Variants in SGPP2 observed in about 807,000 individuals in gnomAD.
The protein encoded by SGPP2 is sphingosine-1-phosphate phosphatase 2, also known as sphingosine 1-phosphate phosphohydrolase 2.
In SGPP2, 30 loss-of-function variants were observed where a neutral mutation model predicts 33.9. The observed-to-expected ratio is 0.89, with a 90% confidence interval of 0.66 to 1.20. SGPP2 has a LOEUF of 1.20. SGPP2 is among the 50% of genes most tolerant of loss of function. The pLI is 0.00. For missense variants in SGPP2, 458 were observed against 532.1 expected (o/e 0.86, Z 1.37); for synonymous variants, 233 against 225.0 (o/e 1.04, Z -0.32).
Position 222,558,811 on chromosome 2 carries a change from G to T in SGPP2, c.1113G>T (p.Val371=). Residue 371 remains valine, a synonymous_variant, in exon 5 of 5, where the codon GTG becomes GTT. Transcript: ENST00000321276. ...KEARRRLEIE[V]PYKFVTYTSV... is the part of the protein sequence containing the mutation. The stretch of plus-strand genomic sequence containing the variant: ...CCAGGCGGAGACTGGAGATTGAAGT[G>T]CCTTACAAGTTTGTTACCTACACAT... 1.2e-6 allele frequency: 2 copies of T among 1,614,102 alleles called. No homozygotes were observed. The highest frequency in any genetic ancestry group is 1.7e-6 in the Non-Finnish European group (2 of 1,180,012).
At chr2:222,518,077 C>T (rs1424716143) in intron 2 of SGPP2, among the ~76,000 whole-genome samples, 1 of 152,142 alleles carries the variant, frequency 6.6e-6, no homozygotes, top group Non-Finnish European at 1.5e-5. Context: ...TCACAAATGG[C>T]AATGCCAGAA....
chr2:222,556,646 A>C (rs1384521749), intron 4 of SGPP2, among the ~76,000 whole-genome samples: 2 of 15,324 alleles, frequency 1.3e-4, no homozygotes, highest in Non-Finnish European at 1.2e-4. Flanking sequence ...CTCCTCCCCC[A>C]CCCACCCTCA....
At chr2:222,513,533 C>T (rs543125323) in intron 2 of SGPP2, among the ~76,000 whole-genome samples, 5 of 152,208 alleles carry the variant, frequency 3.3e-5, no homozygotes, top group South Asian at 4.1e-4. Flanking sequence ...TCCCCACATT[C>T]GAATCCCTAG....
chr2:222,517,093 GGATGCTTC>G (rs1341002228), intron 2 of SGPP2, among the ~76,000 whole-genome samples: 2 of 152,084 alleles, frequency 1.3e-5, no homozygotes, highest in Non-Finnish European at 2.9e-5. Context: ...CTTGCAACCT[GGATGCTTC>G]TTTACCCATC....
At chr2:222,487,765 G>A (rs532798667) in intron 2 of SGPP2, among the ~76,000 whole-genome samples, 103 of 152,234 alleles carry the variant, frequency 6.8e-4, no homozygotes, top group African/African-American at 1.8e-3. Flanking sequence ...ACATAACCAC[G>A]CAGCCCAGTG....
chr2:222,546,845 A>AT (rs1689210536), intron 4 of SGPP2, among the ~76,000 whole-genome samples: 7 of 146,928 alleles, frequency 4.8e-5, no homozygotes, highest in African/African-American at 7.6e-5. Context: ...AAAAAAAAAG[A>AT]ACATGCCAGA....
chr2:222,450,271 C>T (rs1180565947), intron 1 of SGPP2, among the ~76,000 whole-genome samples: 1 of 152,212 alleles, frequency 6.6e-6, no homozygotes, highest in Non-Finnish European at 1.5e-5. Context: ...TCCATCTTCT[C>T]ATTTGCACCA....
chr2:222,430,559 T>G (rs1174875631), intron 1 of SGPP2, among the ~76,000 whole-genome samples: 2 of 152,254 alleles, frequency 1.3e-5, no homozygotes, highest in African/African-American at 4.8e-5. Flanking sequence ...GCTCAAGCGA[T>G]CCTCCTGCCT....
intron 4 of SGPP2, among the ~76,000 whole-genome samples, chr2:222,551,924 C>T (rs77766766): frequency 0.15 from 22,164 of 152,224 alleles, 2,526 homozygotes; most frequent in East Asian, 0.56. Context: ...TTTGGATCCT[C>T]ATAATTTACC....
chr2:222,452,365 A>C lies in SGPP2; in HGVS notation c.220-22203A>C, dbSNP rs1697504549. The C allele has an allele frequency of 4.2e-6, 3 of 717,480 alleles. 1 individual carries two copies. The highest frequency in any genetic ancestry group is 2.8e-5 in the South Asian group (2 of 72,234). The allele number at this position is 717,480 out of a possible 1,614,324, so 44.4% of individuals were successfully genotyped here. A position where few individuals can be genotyped will look rare whatever the true frequency, so the allele number is the denominator to read the frequency against. ...GAGAGGAAGGATTCAGCCAGTGCCC[A>C]GAGTCAAATTGAGTAATATCAATTT... On this transcript the variant is annotated intron_variant, in intron 1 of 4. Transcript: ENST00000321276.
chr2:222,433,437 G>A (rs1356339302), intron 1 of SGPP2, among the ~76,000 whole-genome samples: 1 of 152,194 alleles, frequency 6.6e-6, no homozygotes, highest in African/African-American at 2.4e-5. Flanking sequence ...CACTGTAGTT[G>A]CGAATGGTGG....
Position 222,489,380 on chromosome 2 carries a change from G to A in SGPP2, c.378+14654G>A, listed in dbSNP as rs185506055. On this transcript the variant is annotated intron_variant, in intron 2 of 4. Transcript: ENST00000321276. Reference sequence around the variant, plus strand: ...TCCATTTTTTTCTGTAGCCAGCAAGGACTGTATGTTGACTGTTAATTAGAA... The same window carrying A: ...TCCATTTTTTTCTGTAGCCAGCAAGAACTGTATGTTGACTGTTAATTAGAA... Among the ~76,000 whole-genome samples, 8 of 151,616 alleles carry A rather than the reference G, an allele frequency of 5.3e-5. No homozygotes were observed. In the East Asian group the frequency reaches 1.6e-3, roughly 29 times the overall value.
intron 1 of SGPP2, among the ~76,000 whole-genome samples, chr2:222,440,663 G>GT (rs1025362364): frequency 4.6e-5 from 7 of 151,916 alleles, no homozygotes; most frequent in African/African-American, 7.3e-5. Context: ...TTAAAATACT[G>GT]TTTTTTTAAC....
At chr2:222,557,249 G>A (rs1459860709) in intron 4 of SGPP2, among the ~76,000 whole-genome samples, 1 of 152,224 alleles carries the variant, frequency 6.6e-6, no homozygotes. Flanking sequence ...GACAGGTGGG[G>A]ATGGTGTATG....
chr2:222,438,874 G>T (rs1450936658), intron 1 of SGPP2, among the ~76,000 whole-genome samples: 1 of 152,100 alleles, frequency 6.6e-6, no homozygotes, highest in Admixed American at 6.6e-5. Context: ...AGCTCTAATG[G>T]CTTCCATTTG....
chr2:222,551,485 T>C (rs1689293222), intron 4 of SGPP2, among the ~76,000 whole-genome samples: 2 of 152,218 alleles, frequency 1.3e-5, no homozygotes, highest in Admixed American at 1.3e-4. Context: ...TTTCAAATTT[T>C]CAAGTATTTA....
At chr2:222,536,182 A>G (rs1038830586) in intron 4 of SGPP2, among the ~76,000 whole-genome samples, 2 of 152,210 alleles carry the variant, frequency 1.3e-5, no homozygotes, top group Non-Finnish European at 2.9e-5. Flanking sequence ...AGTTTCATTG[A>G]AGGGTGAAGT....
chr2:222,491,925 G>C (rs1314630412), intron 2 of SGPP2, among the ~76,000 whole-genome samples: 1 of 152,158 alleles, frequency 6.6e-6, no homozygotes, highest in Non-Finnish European at 1.5e-5. Flanking sequence ...ATTCCAAATG[G>C]GAGAAATTGG....
upstream of SGPP2, among the ~76,000 whole-genome samples, chr2:222,424,328 C>G (rs1048885421): frequency 6.6e-6 from 1 of 152,064 alleles, no homozygotes; most frequent in Non-Finnish European, 1.5e-5. Flanking sequence ...GGCACTCCTC[C>G]GTCCAGTTAC....
Sources: gnomAD v4.1 joint callset for allele counts (sites outside exome capture counted in the v4.1 genomes callset) on GRCh38, gnomAD v4.1.1 for gene constraint, MANE v1.5 for transcripts, NCBI Gene and HGNC (gene_info 2026-07-23, HGNC 2026-07-21) for gene names.